SGTB: variants seen among roughly 807,000 people sequenced by gnomAD.
SGTB encodes the protein small glutamine rich tetratricopeptide repeat co-chaperone beta, also known as small glutamine-rich tetratricopeptide repeat-containing protein beta.
A neutral mutation model predicts 43.9 loss-of-function variants in SGTB; 19 were observed. That is an observed-to-expected ratio of 0.43 (90% CI 0.30 to 0.63). SGTB has a LOEUF of 0.63. Among genes scored for constraint, SGTB ranks in the 30% least tolerant of loss-of-function variants. SGTB has a pLI of 0.12. For missense variants in SGTB, 304 were observed against 358.9 expected (o/e 0.85, Z 1.24); for synonymous variants, 116 against 117.3 (o/e 0.99, Z 0.07).
At chr5:65,711,194 T>A (rs1274023479) in intron 3 of SGTB, among the ~76,000 whole-genome samples, 1 of 151,868 alleles carries the variant, frequency 6.6e-6, no homozygotes, top group East Asian at 1.9e-4. Flanking sequence ...ACCACATATA[T>A]AACACAACTG....
chr5:65,715,069 G>A (rs953247074), intron 2 of SGTB, among the ~76,000 whole-genome samples: 1 of 152,140 alleles, frequency 6.6e-6, no homozygotes, highest in Admixed American at 6.6e-5. Context: ...CCACAGCCTT[G>A]GAACTCAGGC....
upstream of SGTB, chr5:65,722,354 G>C (rs761534993): frequency 9.7e-6 from 15 of 1,553,550 alleles, no homozygotes; most frequent in African/African-American, 2.1e-4. Context: ...GCCCGCCGCC[G>C]CCAGCCTCTC....
At chr5:65,720,607 A>C in intron 2 of SGTB, 101 bp downstream of exon 2, 2 of 1,388,860 alleles carry the variant, frequency 1.4e-6, no homozygotes, top group Non-Finnish European at 1.9e-6. Context: ...GATCAAAAAA[A>C]ATTCTGATTA....
At chr5:65,699,670 T>C (rs1031214134) in intron 5 of SGTB, among the ~76,000 whole-genome samples, 3 of 152,210 alleles carry the variant, frequency 2.0e-5, no homozygotes, top group Non-Finnish European at 4.4e-5. Flanking sequence ...TTTCATCACA[T>C]TGGCCAGGAA....
intron 6 of SGTB, among the ~76,000 whole-genome samples, chr5:65,682,709 T>C (rs1170632934): frequency 2.0e-5 from 3 of 152,236 alleles, no homozygotes; most frequent in African/African-American, 7.2e-5. Context: ...ACATGAGTTC[T>C]GTCTGGGACA....
At chr5:65,689,149 A>C (rs1197777351) in intron 5 of SGTB, among the ~76,000 whole-genome samples, 1 of 152,236 alleles carries the variant, frequency 6.6e-6, no homozygotes, top group East Asian at 1.9e-4. Flanking sequence ...ATTTATCTTT[A>C]ATAAATGCAT....
intron 10 of SGTB, 70 bp downstream of exon 10, chr5:65,671,845 C>CCA: frequency 1.5e-6 from 2 of 1,375,928 alleles, no homozygotes; most frequent in African/African-American, 2.9e-5. Flanking sequence ...AAGCCCTGAC[C>CCA]CCTCACCATA....
Position 65,667,723 on chromosome 5 carries a change from T to A in SGTB, c.*2523A>T, listed in dbSNP as rs1757067567. On this transcript the variant is annotated 3_prime_UTR_variant, in exon 11 of 11. Transcript: ENST00000381007. ...CTCTAAATTAGAGTCCTTGGATCTG[T>A]ATCAAAACCACCTAGTGTACTGTTT... 1 of 152,178 alleles carries A rather than the reference T, an allele frequency of 6.6e-6. No individual in the cohort carries two copies. The highest frequency in any genetic ancestry group is 6.5e-5 in the Admixed American group (1 of 15,272). The allele number at this position is 152,178 out of a possible 1,614,324, so 9.4% of individuals were successfully genotyped here.
chr5:65,682,519 C>T (rs539324539), intron 6 of SGTB, among the ~76,000 whole-genome samples: 1 of 151,866 alleles, frequency 6.6e-6, no homozygotes, highest in Admixed American at 6.6e-5. Context: ...TGTAAGATAG[C>T]GATCAACACT....
chr5:65,695,081 C>A (rs1182124008), intron 5 of SGTB, among the ~76,000 whole-genome samples: 1 of 152,080 alleles, frequency 6.6e-6, no homozygotes, highest in Non-Finnish European at 1.5e-5. Flanking sequence ...AAAAAAACGT[C>A]TTGGCAGAAG....
chr5:65,691,911 A>G (rs1347749404), intron 5 of SGTB, among the ~76,000 whole-genome samples: 1 of 150,578 alleles, frequency 6.6e-6, no homozygotes, highest in Non-Finnish European at 1.5e-5. Flanking sequence ...AGCCTGGGTG[A>G]CAGACCGAGA....
At chr5:65,673,853 G>A (rs777248457) in intron 8 of SGTB, among the ~76,000 whole-genome samples, 6 of 152,052 alleles carry the variant, frequency 3.9e-5, no homozygotes, top group Admixed American at 6.5e-5. Context: ...ACGGGGTTTC[G>A]CCAGGTTGGC....
At chr5:65,722,581 GCCA>G (rs1294964923), upstream of SGTB, among the ~76,000 whole-genome samples, 1 of 152,182 alleles carries the variant, frequency 6.6e-6, no homozygotes, top group Non-Finnish European at 1.5e-5. Context: ...ACCTGGCGCG[GCCA>G]CCTGGGGCCA....
intron 4 of SGTB, among the ~76,000 whole-genome samples, chr5:65,707,198 G>C (rs187418508): frequency 6.5e-4 from 99 of 152,026 alleles, no homozygotes; most frequent in African/African-American, 2.3e-3. Context: ...AGGAAGCAGA[G>C]GTTGCAGTGA....
chr5:65,704,035 C>CAAAAAAAAA (rs11405488), intron 5 of SGTB, among the ~76,000 whole-genome samples: 3 of 133,412 alleles, frequency 2.2e-5, no homozygotes, highest in African/African-American at 2.7e-5. Context: ...GACTCCGTCT[C>CAAAAAAAAA]AAAAAAAAAA....
At chr5:65,691,022 A>G (rs932037928) in intron 5 of SGTB, among the ~76,000 whole-genome samples, 22 of 152,208 alleles carry the variant, frequency 1.4e-4, no homozygotes, top group African/African-American at 5.1e-4. Flanking sequence ...GGCTTATAAT[A>G]CCAACTGAAG....
rs920453063 is a variant in SGTB at position 65,669,088 on chromosome 5, CACTA to C, written c.*1154_*1157del. On this transcript the variant is annotated 3_prime_UTR_variant, in exon 11 of 11. Transcript: ENST00000381007. ...ATTAATACCTAATGCCCCTTTTCTC[CACTA>C]ACTAATATGGCATCTAATTTATAAT... 1 of 152,114 alleles carries C rather than the reference CACTA, an allele frequency of 6.6e-6. No homozygotes were observed. The highest frequency in any genetic ancestry group is 2.4e-5 in the African/African-American group (1 of 41,406). 9.4% of individuals were successfully genotyped at this position (152,114 alleles called of 1,614,324 possible).
chr5:65,687,105 A>G (rs1757513771), intron 5 of SGTB, among the ~76,000 whole-genome samples: 1 of 152,200 alleles, frequency 6.6e-6, no homozygotes, highest in Non-Finnish European at 1.5e-5. Flanking sequence ...TAAACCTACT[A>G]AATTTTCACT....
chr5:65,672,213 G>C, intron 9 of SGTB, 31 bp downstream of exon 9: 2 of 1,613,590 alleles, frequency 1.2e-6, no homozygotes, highest in Non-Finnish European at 1.7e-6. Flanking sequence ...AAGGGTTGGG[G>C]AAGTGTAATA....
Sources: gnomAD v4.1 joint callset for allele counts (sites outside exome capture counted in the v4.1 genomes callset) on GRCh38, gnomAD v4.1.1 for gene constraint, MANE v1.5 for transcripts, NCBI Gene and HGNC (gene_info 2026-07-23, HGNC 2026-07-21) for gene names.